The following DCC variants were observed in gnomAD, a reference collection of about 807,000 sequenced individuals.
DCC encodes the protein DCC netrin 1 receptor, also known as netrin receptor DCC.
In DCC, 58 loss-of-function variants were observed where a neutral mutation model predicts 172.5. The ratio of observed to expected loss-of-function variants is 0.34; its 90% confidence interval spans 0.27 to 0.42. The LOEUF is 0.42. DCC is among the 10% of genes least tolerant of loss of function. The pLI is 1.00. For synonymous variants in DCC, 709 were observed against 644.5 expected, an observed-to-expected ratio of 1.10 and a Z score of -1.52; for missense variants, 1,740 against 1,791.0, an observed-to-expected ratio of 0.97 and a Z score of 0.51.
chr18:53,290,973 C>A (rs1156420663), intron 12 of DCC, among the ~76,000 whole-genome samples: 1 of 152,018 alleles, frequency 6.6e-6, no homozygotes, highest in Non-Finnish European at 1.5e-5. Flanking sequence ...TCAAGAATAG[C>A]CTGGCCAACA....
chr18:53,485,416 T>A (rs1393920070), intron 25 of DCC, among the ~76,000 whole-genome samples: 1 of 152,082 alleles, frequency 6.6e-6, no homozygotes, highest in Admixed American at 6.6e-5. Flanking sequence ...AAAATTGAAA[T>A]ATCACTTAGA....
chr18:52,843,913 G>A (rs1266849014), intron 2 of DCC, among the ~76,000 whole-genome samples: 1 of 152,100 alleles, frequency 6.6e-6, no homozygotes, highest in African/African-American at 2.4e-5. Flanking sequence ...TTTTCAGGGG[G>A]TGAGTTTTTA....
intron 2 of DCC, among the ~76,000 whole-genome samples, chr18:52,901,025 TGAG>T (rs1240146313): frequency 2.0e-5 from 3 of 152,220 alleles, no homozygotes; most frequent in Admixed American, 6.5e-5. Context: ...CTTGAGGGTT[TGAG>T]GAGTGAAGAG....
intron 26 of DCC, among the ~76,000 whole-genome samples, chr18:53,488,368 C>CTAT: frequency 6.6e-6 from 1 of 151,966 alleles, no homozygotes; most frequent in African/African-American, 2.4e-5. Context: ...GAGCTAGACT[C>CTAT]TATTTATTTC....
Position 53,534,189 on chromosome 18 carries a change from A to T in DCC, c.*3536A>T, listed in dbSNP as rs1258715314. The T allele has an allele frequency of 6.6e-6, 1 of 152,254 alleles. No individual in the cohort carries two copies. The highest frequency in any genetic ancestry group is 2.4e-5 in the African/African-American group (1 of 41,476). 9.4% of individuals were successfully genotyped at this position (152,254 alleles called of 1,614,324 possible). ...ACAAAAGGTTACCTCTAAAGATAAC[A>T]TCTTACCATTTTAGATAAAATTGTG... On this transcript the variant is annotated 3_prime_UTR_variant, in exon 29 of 29. Transcript: ENST00000442544.
At chr18:53,119,685 C>T (rs2043455876) in intron 7 of DCC, among the ~76,000 whole-genome samples, 2 of 151,794 alleles carry the variant, frequency 1.3e-5, no homozygotes, top group Non-Finnish European at 2.9e-5. Flanking sequence ...AATTAATCTG[C>T]TCTGCTGTCA....
At chr18:52,609,860 G>A (rs2034214338) in intron 1 of DCC, among the ~76,000 whole-genome samples, 1 of 151,830 alleles carries the variant, frequency 6.6e-6, no homozygotes, top group Admixed American at 6.6e-5. Context: ...TAAAACAGGA[G>A]CTAAGTTCAT....
At chr18:53,484,660 C>A (rs2045880222) in intron 25 of DCC, among the ~76,000 whole-genome samples, 1 of 151,904 alleles carries the variant, frequency 6.6e-6, no homozygotes, top group African/African-American at 2.4e-5. Flanking sequence ...AAAATCATTC[C>A]CCCAGCACCA....
chr18:52,677,915 G>A lies in DCC; in HGVS notation c.92-74139G>A, dbSNP rs374631286. Among the ~76,000 whole-genome samples, 9 of 152,098 alleles carry A rather than the reference G, an allele frequency of 5.9e-5. No homozygotes were observed. The East Asian group carries it at 7.7e-4, about 13-fold the overall frequency. On this transcript the variant is annotated intron_variant, in intron 1 of 28. Coordinates refer to ENST00000442544, the MANE Select transcript of DCC (RefSeq NM_005215.4). Reference sequence around the variant, plus strand: ...GCAATTATTTCAGTAGCCATAATACGCCACCATTCTGAAAACAAATAAATC... The same window carrying A: ...GCAATTATTTCAGTAGCCATAATACACCACCATTCTGAAAACAAATAAATC...
At chr18:53,508,388 TTGTTATG>T (rs1271961234) in intron 27 of DCC, among the ~76,000 whole-genome samples, 1 of 151,864 alleles carries the variant, frequency 6.6e-6, no homozygotes, top group Admixed American at 6.6e-5. Flanking sequence ...AGATGAGGTT[TTGTTATG>T]TTGTCCAGGC....
intron 1 of DCC, among the ~76,000 whole-genome samples, chr18:52,491,799 A>C (rs1377844767): frequency 6.6e-6 from 1 of 152,076 alleles, no homozygotes; most frequent in Non-Finnish European, 1.5e-5. Flanking sequence ...TTTGTTTACA[A>C]CGTTGATGTG....
chr18:53,443,556 C>T (rs1488803972), intron 22 of DCC, among the ~76,000 whole-genome samples: 2 of 152,188 alleles, frequency 1.3e-5, no homozygotes, highest in African/African-American at 4.8e-5. Context: ...ATCCATTCTG[C>T]AGCCCATGGA....
At chr18:53,136,827 T>A (rs1355615920) in intron 7 of DCC, among the ~76,000 whole-genome samples, 1 of 152,208 alleles carries the variant, frequency 6.6e-6, no homozygotes, top group Non-Finnish European at 1.5e-5. Context: ...GAACACTATT[T>A]GGAGAATTAC....
chr18:53,419,911 T>G (rs1295511389), intron 21 of DCC, among the ~76,000 whole-genome samples: 1 of 152,096 alleles, frequency 6.6e-6, no homozygotes, highest in Non-Finnish European at 1.5e-5. Flanking sequence ...TGGAGTGCAA[T>G]GGCACAATCT....
chr18:52,595,557 C>T (rs1229211181), intron 1 of DCC, among the ~76,000 whole-genome samples: 2 of 152,146 alleles, frequency 1.3e-5, no homozygotes, highest in African/African-American at 4.8e-5. Flanking sequence ...AATCCGCACC[C>T]TCATTTTAAA....
At chr18:52,645,467 A>AGAT (rs1375098290) in intron 1 of DCC, among the ~76,000 whole-genome samples, 1 of 152,218 alleles carries the variant, frequency 6.6e-6, no homozygotes, top group Non-Finnish European at 1.5e-5. Context: ...AAATGGCATG[A>AGAT]GATAACTGGA....
chr18:53,345,120 A>G (rs1371107743), intron 15 of DCC, among the ~76,000 whole-genome samples: 1 of 151,430 alleles, frequency 6.6e-6, no homozygotes, highest in Non-Finnish European at 1.5e-5. Context: ...AGAATCCATA[A>G]TTTAATATAA....
intron 1 of DCC, among the ~76,000 whole-genome samples, chr18:52,458,303 T>C (rs537891194): frequency 4.6e-5 from 7 of 152,242 alleles, no homozygotes; most frequent in Admixed American, 3.9e-4. Flanking sequence ...AGCCTTCTGA[T>C]TGAGCCAGGG....
intron 2 of DCC, among the ~76,000 whole-genome samples, chr18:52,863,031 T>C (rs894695964): frequency 5.3e-5 from 8 of 152,122 alleles, no homozygotes; most frequent in Admixed American, 4.6e-4. Context: ...AGAGAAGATA[T>C]TCATAAACAT....
Sources: gnomAD v4.1 joint callset for allele counts (sites outside exome capture counted in the v4.1 genomes callset) on GRCh38, gnomAD v4.1.1 for gene constraint, MANE v1.5 for transcripts, NCBI Gene and HGNC (gene_info 2026-07-23, HGNC 2026-07-21) for gene names.